Variants in ANK3 observed in about 807,000 individuals in gnomAD.
ANK3 encodes the protein ankyrin 3.
ANK3 carries 57 observed loss-of-function variants against 370.9 expected under a neutral mutation model. The ratio of observed to expected loss-of-function variants is 0.15; its 90% CI spans 0.12 to 0.19. The LOEUF (loss-of-function observed/expected upper bound fraction) is 0.19. ANK3 is among the 10% of genes least tolerant of loss of function. The pLI is 1.00. For missense variants in ANK3, 4,439 were observed against 5,302.1 expected (o/e 0.84, Z 5.06); for synonymous variants, 1,929 against 1,946.3 (o/e 0.99, Z 0.23).
At chr10:60,102,248 T>C (rs1182391671) in intron 28 of ANK3, among the ~76,000 whole-genome samples, 3 of 151,150 alleles carry the variant, frequency 2.0e-5, no homozygotes, top group Admixed American at 1.3e-4. Flanking sequence ...GCAGATGGCT[T>C]GACAAGTGAA....
intron 25 of ANK3, among the ~76,000 whole-genome samples, chr10:60,130,821 CT>C (rs1026939917): frequency 6.6e-6 from 1 of 152,062 alleles, no homozygotes; most frequent in Non-Finnish European, 1.5e-5. Flanking sequence ...GATGCATTAG[CT>C]TTTTTTAGTC....
chr10:60,435,482 AATT>A (rs2064133624), intron 2 of ANK3, among the ~76,000 whole-genome samples: 1 of 152,186 alleles, frequency 6.6e-6, no homozygotes, highest in Admixed American at 6.5e-5. Flanking sequence ...CTTGGGCAAA[AATT>A]ATCTTTTTTC....
chr10:60,408,045 A>T (rs2063488197), intron 2 of ANK3, among the ~76,000 whole-genome samples: 1 of 152,078 alleles, frequency 6.6e-6, no homozygotes. Context: ...TTACTTTCCA[A>T]CCCACCTTCT....
chr10:60,181,101 G>C (rs1299813149), intron 18 of ANK3, among the ~76,000 whole-genome samples: 1 of 152,096 alleles, frequency 6.6e-6, no homozygotes, highest in African/African-American at 2.4e-5. Flanking sequence ...TAATATAGGG[G>C]GAAATTACTG....
intron 2 of ANK3, among the ~76,000 whole-genome samples, chr10:60,409,696 C>A (rs2132925570): frequency 6.6e-6 from 1 of 152,226 alleles, no homozygotes; most frequent in African/African-American, 2.4e-5. Flanking sequence ...GACACCTCAT[C>A]CATGCCCGCA....
intron 2 of ANK3, among the ~76,000 whole-genome samples, chr10:60,466,247 A>G (rs1264414613): frequency 2.0e-5 from 3 of 152,142 alleles, no homozygotes; most frequent in African/African-American, 7.2e-5. Context: ...GAGGCAGTAG[A>G]TTCATTTTCT....
At chr10:60,685,397 A>G (rs2079254388) in intron 1 of ANK3, among the ~76,000 whole-genome samples, 1 of 143,580 alleles carries the variant, frequency 7.0e-6, no homozygotes, top group Admixed American at 6.9e-5. Flanking sequence ...CTAAAGAGTG[A>G]AAAAAAAAAA....
intron 1 of ANK3, among the ~76,000 whole-genome samples, chr10:60,363,514 A>G (rs2058948927): frequency 6.6e-6 from 1 of 152,178 alleles, no homozygotes; most frequent in Admixed American, 6.5e-5. Context: ...TAGAATTGAG[A>G]ATGTGCAACT....
At chr10:60,305,637 A>G (rs954623700) in intron 1 of ANK3, among the ~76,000 whole-genome samples, 1 of 152,138 alleles carries the variant, frequency 6.6e-6, no homozygotes, top group Non-Finnish European at 1.5e-5. Flanking sequence ...TACTCATTCA[A>G]ACTTTCTGTG....
chr10:60,558,374 C>A (rs1262914348), intron 2 of ANK3, among the ~76,000 whole-genome samples: 1 of 152,176 alleles, frequency 6.6e-6, no homozygotes, highest in East Asian at 1.9e-4. Context: ...GTATTCATGG[C>A]AGAAAACAGT....
chr10:60,635,184 C>G (rs886854932), intron 1 of ANK3, among the ~76,000 whole-genome samples: 1 of 152,090 alleles, frequency 6.6e-6, no homozygotes, highest in African/African-American at 2.4e-5. Context: ...CCTATCTACA[C>G]CTCCAGATAT....
intron 1 of ANK3, among the ~76,000 whole-genome samples, chr10:60,674,620 G>C (rs1237682954): frequency 6.6e-6 from 1 of 152,130 alleles, no homozygotes; most frequent in African/African-American, 2.4e-5. Context: ...GAGATTTGGA[G>C]GAGACAAACA....
intron 4 of ANK3, among the ~76,000 whole-genome samples, chr10:60,278,402 G>A (rs1284941767): frequency 6.6e-6 from 1 of 151,962 alleles, no homozygotes; most frequent in Non-Finnish European, 1.5e-5. Flanking sequence ...TGAGACAGAG[G>A]CTTGCTCTGT....
chr10:60,372,689 C>T (rs1245910862), intron 1 of ANK3, among the ~76,000 whole-genome samples: 8 of 152,148 alleles, frequency 5.3e-5, no homozygotes, highest in African/African-American at 9.7e-5. Flanking sequence ...GCAGAGGCCC[C>T]GGCTTACTGA....
intron 1 of ANK3, among the ~76,000 whole-genome samples, chr10:60,306,428 C>CATATAT (rs753175801): frequency 2.3e-3 from 260 of 112,012 alleles, no homozygotes; most frequent in African/African-American, 6.6e-3. Flanking sequence ...GGTGTATGTG[C>CATATAT]ATATATATAT....
chr10:60,510,520 G>T (rs1301832631), intron 2 of ANK3, among the ~76,000 whole-genome samples: 1 of 152,100 alleles, frequency 6.6e-6, no homozygotes, highest in Non-Finnish European at 1.5e-5. Flanking sequence ...AACAGATTTA[G>T]AAATGTAGCG....
At chr10:60,066,436 T>C (rs7919250) in intron 38 of ANK3, among the ~76,000 whole-genome samples, 106,693 of 152,026 alleles carry the variant, frequency 0.7, 37,772 homozygotes, top group East Asian at 0.95. Context: ...AGTAAATATG[T>C]ATACATAATA....
At chr10:60,453,280 C>G (rs1298694559) in intron 2 of ANK3, among the ~76,000 whole-genome samples, 2 of 152,216 alleles carry the variant, frequency 1.3e-5, no homozygotes, top group East Asian at 1.9e-4. Context: ...AGTGCCAGCA[C>G]AGACCGGGGG....
chr10:60,349,811 C>A (rs768146016), intron 1 of ANK3, among the ~76,000 whole-genome samples: 5 of 152,202 alleles, frequency 3.3e-5, no homozygotes, highest in Non-Finnish European at 7.3e-5. Flanking sequence ...GAATAAGAAA[C>A]TTCAGAGCAA....
Sources: gnomAD v4.1 joint callset for allele counts (sites outside exome capture counted in the v4.1 genomes callset) on GRCh38, gnomAD v4.1.1 for gene constraint, MANE v1.5 for transcripts, NCBI Gene and HGNC (gene_info 2026-07-23, HGNC 2026-07-21) for gene names.